FBXO24: variants seen among roughly 807,000 people sequenced by gnomAD.
The protein encoded by FBXO24 is F-box only protein 24.
FBXO24 carries 30 observed loss-of-function variants against 63.5 expected under a neutral mutation model. The observed-to-expected ratio is 0.47, with a 90% CI of 0.35 to 0.64. The LOEUF (loss-of-function observed/expected upper bound fraction) is 0.64, where lower values mean the gene tolerates loss of function less well. Among genes scored for constraint, FBXO24 ranks in the 30% least tolerant of loss-of-function variants. FBXO24 has a pLI of 0.00. For synonymous variants in FBXO24, 300 were observed against 305.0 expected, an observed-to-expected ratio of 0.98 and a Z score of 0.17; for missense variants, 624 against 763.4, an observed-to-expected ratio of 0.82 and a Z score of 2.15.
At chr7:100,593,674 G>A (rs1047973894) in intron 5 of FBXO24, among the ~76,000 whole-genome samples, 14 of 148,238 alleles carry the variant, frequency 9.4e-5, no homozygotes, top group African/African-American at 3.5e-4. Context: ...GCATGGACCT[G>A]TAGTCCCAGC....
At chr7:100,587,002 G>T (rs1443364227) in intron 1 of FBXO24, among the ~76,000 whole-genome samples, 2 of 152,230 alleles carry the variant, frequency 1.3e-5, no homozygotes, top group African/African-American at 4.8e-5. Context: ...CGTCTCACCC[G>T]AGGAGCTCCC....
rs762993429 is a variant in FBXO24, at chr7:100,591,730, C to G, written c.386C>G (p.Ala129Gly). Residue 129 changes from alanine (A) to glycine (G), a missense_variant, in exon 4 of 10, where the codon GCC becomes GGC. Ala to Gly is a moderately conservative substitution (Grantham distance 60). Around this residue, in one of 3 missense-constraint regions of FBXO24, gnomAD observed 391 missense variants for 469.1 expected, o/e 0.83. Coordinates refer to ENST00000241071, the MANE Select transcript of FBXO24 (RefSeq NM_033506.3). Reference sequence around the variant, plus strand: ...CGCCGATGTCTCAGCAAGAGCGTGGCCCCCTTGCTAGCCCACGGCTACCGC... The same window carrying G: ...CGCCGATGTCTCAGCAAGAGCGTGGGCCCCTTGCTAGCCCACGGCTACCGC... ...GRRRCLSKSV[A>G]PLLAHGYRRF... 8 of 1,614,102 alleles carry G rather than the reference C, an allele frequency of 5.0e-6. No homozygotes were observed. The African/African-American group carries it at 5.3e-5, about 11-fold the overall frequency.
At chr7:100,591,963 A>G (rs767519533) in intron 4 of FBXO24, 61 bp downstream of exon 4, 14 of 1,536,092 alleles carry the variant, frequency 9.1e-6, no homozygotes, top group Non-Finnish European at 1.3e-5. Flanking sequence ...TCACACTGCT[A>G]TAAAGACGTA....
Position 100,590,031 on chromosome 7 carries a change from G to T in FBXO24, c.94G>T (p.Gly32Trp). The T allele has an allele frequency of 6.2e-7, 1 of 1,613,706 alleles. No individual in the cohort carries two copies. The highest frequency in any genetic ancestry group is 8.5e-7 in the Non-Finnish European group (1 of 1,179,916). The change falls in exon 2 of 10, where the codon GGG becomes TGG. Residue 32 changes from glycine to tryptophan, a missense_variant. Physicochemically the swap from Gly to Trp is radical, Grantham distance 184. This residue lies in a region of FBXO24 where 391 missense variants were observed against 469.1 expected (regional missense o/e 0.83). Coordinates refer to ENST00000241071, the MANE Select transcript of FBXO24 (RefSeq NM_033506.3). ...GGAGCTTGGGGTTGAAGAGAAGAGG[G>T]GGAAAGGAAATCCGATTTCCATCCA... Reference protein sequence around the residue: ...GSELGVEEKRGKGNPISIQLF... With the variant: ...GSELGVEEKRWKGNPISIQLF...
Position 100,601,111 on chromosome 7 carries a change from C to A in FBXO24, c.*212C>A. On this transcript the variant is annotated 3_prime_UTR_variant, in exon 10 of 10. Transcript: ENST00000241071. ...ATTTGATGGATAGAATAAAAGGCTGCAGCGAGGCCTGGTGTGGAAGCCTTG... is the reference window on the plus strand; with the variant it reads ...ATTTGATGGATAGAATAAAAGGCTGAAGCGAGGCCTGGTGTGGAAGCCTTG... The A allele has an allele frequency of 2.3e-6, 1 of 437,268 alleles. No homozygotes were observed. The highest frequency in any genetic ancestry group is 3.8e-6 in the Non-Finnish European group (1 of 264,342). 27.1% of individuals were successfully genotyped at this position (437,268 alleles called of 1,614,324 possible). A position where few individuals can be genotyped will look rare whatever the true frequency, so the allele number is the denominator to read the frequency against.
intron 8 of FBXO24, 30 bp downstream of exon 8, chr7:100,595,736 C>T: frequency 6.4e-7 from 1 of 1,550,682 alleles, no homozygotes; most frequent in Non-Finnish European, 8.8e-7. Flanking sequence ...ACTCTCATCC[C>T]AACCCCTTTC....
chr7:100,591,009 CTCTTT>C (rs1478705694), intron 3 of FBXO24, among the ~76,000 whole-genome samples: 1 of 147,048 alleles, frequency 6.8e-6, no homozygotes, highest in Non-Finnish European at 1.5e-5. Flanking sequence ...TCTGTCTCTT[CTCTTT>C]TCTTTCTTTT....
chr7:100,599,716 A>C, intron 8 of FBXO24: 1 of 309,086 alleles, frequency 3.2e-6, no homozygotes. Context: ...GGCAGGCAGG[A>C]TGAGAGGCTG....
At chr7:100,592,739 A>G (rs1210426310) in intron 4 of FBXO24, 44 bp from the exon 5 acceptor site, 7 of 1,533,140 alleles carry the variant, frequency 4.6e-6, no homozygotes, top group East Asian at 2.3e-5. Context: ...GCCCCATCCC[A>G]TTTTGAAACT....
Position 100,594,621 on chromosome 7 carries a change from A to C in FBXO24, c.952+80A>C. ...CATCAACACCCTTCACCCTTACTCCAGCTGCATGGTGAACCCCTGAGGGCA... is the reference window on the plus strand; with the variant it reads ...CATCAACACCCTTCACCCTTACTCCCGCTGCATGGTGAACCCCTGAGGGCA... On this transcript the variant is annotated intron_variant, in intron 6 of 9. Coordinates refer to ENST00000241071, the MANE Select transcript of FBXO24 (RefSeq NM_033506.3). The surrounding 1 kb of genome is among the most constrained non-coding windows in gnomAD (Gnocchi z 4.2). 7.2e-7 allele frequency: 1 copy of C among 1,382,928 alleles called. No homozygotes were observed. Among genetic ancestry groups the C allele is most frequent in the Non-Finnish European group, 9.5e-7 (1 of 1,057,922 alleles). The allele number at this position is 1,382,928 out of a possible 1,614,324, so 85.7% of individuals were successfully genotyped here.
intron 1 of FBXO24, among the ~76,000 whole-genome samples, chr7:100,588,158 C>G (rs981973532): frequency 1.3e-5 from 2 of 152,188 alleles, no homozygotes; most frequent in Admixed American, 6.5e-5. Context: ...GGATTATAAG[C>G]GTGAGCCACA....
chr7:100,588,751 T>C (rs1283656079), intron 1 of FBXO24, among the ~76,000 whole-genome samples: 2 of 152,206 alleles, frequency 1.3e-5, no homozygotes, highest in Non-Finnish European at 2.9e-5. Flanking sequence ...AATCCATCCC[T>C]TTCTCCCACC....
At chr7:100,599,348 C>CA in intron 8 of FBXO24, among the ~76,000 whole-genome samples, 2 of 152,134 alleles carry the variant, frequency 1.3e-5, no homozygotes, top group South Asian at 4.1e-4. Flanking sequence ...CCAAGGCAGG[C>CA]AGATCACCTG....
chr7:100,591,585 T>A, intron 3 of FBXO24, 82 bp from the exon 4 acceptor site: 1 of 1,313,006 alleles, frequency 7.6e-7, no homozygotes, highest in Non-Finnish European at 1.1e-6. Context: ...AACCAGCGTG[T>A]CTAAGAAATC....
intron 4 of FBXO24, among the ~76,000 whole-genome samples, chr7:100,592,446 G>A (rs531775441): frequency 1.6e-4 from 24 of 152,232 alleles, no homozygotes; most frequent in Non-Finnish European, 2.9e-4. Flanking sequence ...TTATAAATCC[G>A]TCAGACCTCG....
rs1256732859 is a variant in FBXO24 at position 100,586,665 on chromosome 7, G to A, written c.39+1G>A. On this transcript the variant is annotated splice_donor_variant, in intron 1 of 9. Transcript: ENST00000241071. LOFTEE classifies it high-confidence loss of function. ...GGTCCCTTTGCTAAGGAGGAGGCGG[G>A]TGAGCTAGAACTTTAAGACTGAGGT... The A allele has an allele frequency of 1.9e-6, 3 of 1,614,130 alleles. No homozygotes were observed. In the African/African-American group the frequency reaches 4.0e-5, roughly 22 times the overall value.
At chr7:100,589,786 G>A in intron 1 of FBXO24, 191 bp from the exon 2 acceptor site, 1 of 1,529,750 alleles carries the variant, frequency 6.5e-7, no homozygotes, top group Middle Eastern at 1.7e-4. Flanking sequence ...CGGGAGGAGG[G>A]GCTCCGGGTG....
At chr7:100,589,356 CAAATAGG>C in intron 1 of FBXO24, 2 of 1,108,758 alleles carry the variant, frequency 1.8e-6, no homozygotes, top group Non-Finnish European at 2.2e-6. Flanking sequence ...AAAAGGGCCT[CAAATAGG>C]AAAACTTCCT....
intron 4 of FBXO24, 98 bp downstream of exon 4, chr7:100,592,000 C>A: frequency 8.4e-7 from 1 of 1,196,952 alleles, no homozygotes; most frequent in Non-Finnish European, 1.2e-6. Context: ...GTGGCTTACA[C>A]CTGTAATCCT....
Sources: allele counts gnomAD v4.1 joint callset (sites outside exome capture counted in the v4.1 genomes callset), GRCh38; gene constraint gnomAD v4.1.1; regional missense constraint gnomAD v4.1.1; non-coding constraint Gnocchi (gnomAD v3.1); transcripts MANE v1.5; gene names NCBI Gene and HGNC (gene_info 2026-07-23, HGNC 2026-07-21).